TTPAL: variants seen among roughly 807,000 people sequenced by gnomAD.
The protein encoded by TTPAL is alpha tocopherol transfer protein like.
TTPAL carries 21 observed loss-of-function variants against 28.7 expected under a neutral mutation model. That is an observed-to-expected ratio of 0.73 (90% confidence interval 0.52 to 1.06). The LOEUF is 1.06. Ranked by LOEUF, TTPAL falls within the 50% of genes least tolerant of loss-of-function variation. TTPAL has a pLI of 0.00. For synonymous variants in TTPAL, 169 were observed against 171.9 expected (o/e 0.98, Z 0.13); for missense variants, 345 against 425.5 (o/e 0.81, Z 1.67).
At position 44,480,800 on chromosome 20, in the gene TTPAL, T is replaced by C. The variant is rs2064097317; in HGVS notation, c.445+356T>C. On this transcript the variant is annotated intron_variant, in intron 2 of 4. Coordinates refer to ENST00000262605, the MANE Select transcript of TTPAL (RefSeq NM_001039199.3). This position sits in a 1 kb window ranked among gnomAD's most constrained non-coding sequence, Gnocchi z 4.1. ...CATTTCTGCCTTTTGCATATCTTCT[T>C]CACACTTTTTCTGTGTATGGCTGTC... Among the ~76,000 whole-genome samples the C allele has an allele frequency of 6.6e-6, 1 of 152,208 alleles. No homozygotes were observed. Among genetic ancestry groups the C allele is most frequent in the South Asian group, 2.1e-4 (1 of 4,826 alleles).
rs1318511918 is a variant in TTPAL at position 44,486,611 on chromosome 20, C to T, written c.655C>T (p.Arg219Trp). The T allele has an allele frequency of 4.3e-6, 7 of 1,609,744 alleles. No individual in the cohort carries two copies. The highest frequency in any genetic ancestry group is 4.5e-5 in the East Asian group (2 of 44,856). The change falls in exon 4 of 5, where the codon CGG (arginine) becomes TGG (tryptophan). Residue 219 changes from arginine (R) to tryptophan (W), a missense_variant. By Grantham distance (101) the Arg-to-Trp change is moderately radical. Coordinates refer to ENST00000262605, the MANE Select transcript of TTPAL (RefSeq NM_001039199.3). ...IGILQDGFPI[R>W]IKAVHVVNEP... is the part of the protein sequence containing the mutation. Reference sequence around the variant, plus strand: ...TCCCACACAGGATGGTTTCCCCATTCGGATAAAAGCAGTCCATGTGGTGAA... The same window carrying T: ...TCCCACACAGGATGGTTTCCCCATTTGGATAAAAGCAGTCCATGTGGTGAA...
Position 44,480,021 on chromosome 20 carries a change from C to T in TTPAL, c.22C>T (p.Leu8=). MSEESDS[L]RTSPSVASLS... Reference sequence around the variant, plus strand: ...GCTAATGTCCGAAGAAAGTGACTCTCTGAGAACCAGCCCTTCTGTGGCCTC... The same window carrying T: ...GCTAATGTCCGAAGAAAGTGACTCTTTGAGAACCAGCCCTTCTGTGGCCTC... Residue 8 remains leucine, a synonymous_variant, in exon 2 of 5, where the codon CTG becomes TTG. Transcript: ENST00000262605. The surrounding 1 kb of genome is among the most constrained non-coding windows in gnomAD (Gnocchi z 4.1). 1 of 1,613,606 alleles carries T rather than the reference C, an allele frequency of 6.2e-7. No individual in the cohort carries two copies. The highest frequency in any genetic ancestry group is 8.5e-7 in the Non-Finnish European group (1 of 1,179,572).
In TTPAL at chr20:44,491,633, G is replaced by C. The variant is rs1235258254; in HGVS notation, c.*2092G>C. On this transcript the variant is annotated 3_prime_UTR_variant, in exon 5 of 5. Transcript: ENST00000262605. ...ATCCTCTACGGTACTGGCTGAGCTG[G>C]AAGTGCCAAAAAGCACTCCTGGCTG... is the stretch of plus-strand genomic sequence containing the variant. 6.6e-6 allele frequency: 1 copy of C among 152,248 alleles called. No homozygotes were observed. The highest frequency in any genetic ancestry group is 2.4e-5 in the African/African-American group (1 of 41,380). The allele number at this position is 152,248 out of a possible 1,614,324, so 9.4% of individuals were successfully genotyped here. A position where few individuals can be genotyped will look rare whatever the true frequency, so the allele number is the denominator to read the frequency against.
chr20:44,488,029 A>C (rs1158912035), intron 4 of TTPAL, among the ~76,000 whole-genome samples: 1 of 152,304 alleles, frequency 6.6e-6, no homozygotes, highest in South Asian at 2.1e-4. Flanking sequence ...TTGGCCTCCG[A>C]AAGTGCTGGG....
chr20:44,485,592 ATTAT>A (rs772125348), intron 3 of TTPAL, among the ~76,000 whole-genome samples: 72 of 152,254 alleles, frequency 4.7e-4, no homozygotes, highest in Non-Finnish European at 9.6e-4. Flanking sequence ...CACCAGGTTT[ATTAT>A]TTAAATAAAT....
intron 3 of TTPAL, chr20:44,485,682 C>G (rs1346424371): frequency 6.6e-6 from 1 of 152,210 alleles, no homozygotes; most frequent in Non-Finnish European, 1.5e-5. Context: ...GCTGGCACTC[C>G]TTTTGATGCC....
chr20:44,481,400 T>G (rs1600786318), intron 2 of TTPAL, among the ~76,000 whole-genome samples: 1 of 151,982 alleles, frequency 6.6e-6, no homozygotes, highest in African/African-American at 2.4e-5. Flanking sequence ...TAAAAAAAAA[T>G]GCTCTTTGGG....
chr20:44,477,236 G>C lies in TTPAL; in HGVS notation c.-16+1245G>C, dbSNP rs982927622. On this transcript the variant is annotated intron_variant, in intron 1 of 4. Transcript: ENST00000262605. Reference sequence around the variant, plus strand: ...AACACTGATGTTTGATGGGATTGCAGGCATCTCTTGGTTACTTCCATAGAA... The same window carrying C: ...AACACTGATGTTTGATGGGATTGCACGCATCTCTTGGTTACTTCCATAGAA... Among the ~76,000 whole-genome samples the C allele has an allele frequency of 2.0e-5, 3 of 152,300 alleles. No individual in the cohort carries two copies. The East Asian group carries it at 5.8e-4, about 29-fold the overall frequency.
rs1568771114 is a variant in TTPAL, at chr20:44,484,516, ATTGGCATCCTCCAGGTAAGACCCG to A, written c.627_639+11del. On this transcript the variant is annotated splice_donor_variant and splice_donor_5th_base_variant and coding_sequence_variant and intron_variant, in exon 3 of 5. Coordinates refer to ENST00000262605, the MANE Select transcript of TTPAL (RefSeq NM_001039199.3). LOFTEE classifies it high-confidence loss of function. ...TGGCCCTTTTATAGCCAAAAAGGTG[ATTGGCATCCTCCAGGTAAGACCCG>A]TATGTGTCCTGCCTGTTTCGTGGTG... 1 of 1,576,314 alleles carries A rather than the reference ATTGGCATCCTCCAGGTAAGACCCG, an allele frequency of 6.3e-7. No homozygotes were observed. The highest frequency in any genetic ancestry group is 8.7e-7 in the Non-Finnish European group (1 of 1,149,792).
At chr20:44,487,270 A>T (rs1167426405) in intron 4 of TTPAL, among the ~76,000 whole-genome samples, 1 of 145,020 alleles carries the variant, frequency 6.9e-6, no homozygotes, top group Non-Finnish European at 1.5e-5. Context: ...CAACAGTGAG[A>T]CTGTCTCAAA....
intron 1 of TTPAL, among the ~76,000 whole-genome samples, chr20:44,477,577 A>C (rs1320590297): frequency 6.6e-6 from 1 of 152,178 alleles, no homozygotes; most frequent in Non-Finnish European, 1.5e-5. Context: ...TCACTCCCTT[A>C]GAGTCCATTC....
Position 44,492,615 on chromosome 20 carries a change from T to TA in TTPAL, c.*3075dup, listed in dbSNP as rs1409667783. 6.6e-6 allele frequency: 1 copy of TA among 152,294 alleles called. No homozygotes were observed. Among genetic ancestry groups the TA allele is most frequent in the African/African-American group, 2.4e-5 (1 of 41,434 alleles). The allele number at this position is 152,294 out of a possible 1,614,324, so 9.4% of individuals were successfully genotyped here. On this transcript the variant is annotated 3_prime_UTR_variant, in exon 5 of 5. Coordinates refer to ENST00000262605, the MANE Select transcript of TTPAL (RefSeq NM_001039199.3). ...TTTTTTCCCCCTCAATTGGCTTATT[T>TA]AGTAAATTTAGGTCTGAATGAATTG... is the stretch of plus-strand genomic sequence containing the variant.
At position 44,475,944 on chromosome 20, in the gene TTPAL, C is replaced by T. The variant is rs1307987833; in HGVS notation, c.-63C>T. 4 of 152,384 alleles carry T rather than the reference C, an allele frequency of 2.6e-5. No individual in the cohort carries two copies. The East Asian group carries it at 7.7e-4, about 29-fold the overall frequency. 9.4% of individuals were successfully genotyped at this position (152,384 alleles called of 1,614,324 possible). On this transcript the variant is annotated 5_prime_UTR_variant, in exon 1 of 5. The change creates a new upstream start codon in the 5' untranslated region. Transcript: ENST00000262605. ...GGTCGGTTCTGCGTGCGCTGCCGGA[C>T]GAGGCTCCCGCCGCCGATTGACCCG...
chr20:44,480,765 T>C lies in TTPAL; in HGVS notation c.445+321T>C, dbSNP rs6031620. ...TCTCTGCCTGACGGTCTGTGTATCC[T>C]TCAGCCACACATTTCTGCCTTTTGC... is the stretch of plus-strand genomic sequence containing the variant. On this transcript the variant is annotated intron_variant, in intron 2 of 4. Transcript: ENST00000262605. The surrounding 1 kb of genome is among the most constrained non-coding windows in gnomAD (Gnocchi z 4.1). Among the ~76,000 whole-genome samples the C allele has an allele frequency of 4.1e-4, 62 of 152,328 alleles. No individual in the cohort carries two copies. The highest frequency in any genetic ancestry group is 1.4e-3 in the African/African-American group (58 of 41,568).
rs1324848617 is a variant in TTPAL at position 44,480,043 on chromosome 20, C to T, written c.44C>T (p.Ala15Val). 6.2e-7 allele frequency: 1 copy of T among 1,614,148 alleles called. No individual in the cohort carries two copies. Among genetic ancestry groups the T allele is most frequent in the Non-Finnish European group, 8.5e-7 (1 of 1,179,988 alleles). The change falls in exon 2 of 5, where the codon GCC (alanine) becomes GTC (valine). Residue 15 changes from alanine (A) to valine (V), a missense_variant. Coordinates refer to ENST00000262605, the MANE Select transcript of TTPAL (RefSeq NM_001039199.3). The surrounding 1 kb of genome is among the most constrained non-coding windows in gnomAD (Gnocchi z 4.1). Reference sequence around the variant, plus strand: ...TCTCTGAGAACCAGCCCTTCTGTGGCCTCACTCTCTGAAAATGAGCTGCCA... The same window carrying T: ...TCTCTGAGAACCAGCCCTTCTGTGGTCTCACTCTCTGAAAATGAGCTGCCA... ...SDSLRTSPSV[A>V]SLSENELPPP...
At position 44,490,596 on chromosome 20, in the gene TTPAL, A is replaced by G. The variant is rs17829151; in HGVS notation, c.*1055A>G. 11,283 of 152,332 alleles carry G rather than the reference A, an allele frequency of 0.074. 454 individuals are homozygous for G. The highest frequency in any genetic ancestry group is 0.15 in the South Asian group (706 of 4,834). 9.4% of individuals were successfully genotyped at this position (152,332 alleles called of 1,614,324 possible). A position where few individuals can be genotyped will look rare whatever the true frequency, so the allele number is the denominator to read the frequency against. ...TAGCCCTGCCTTTAAAGAAACTATTATGTGTATTCCTGGGACTCACTGACA... is the reference window on the plus strand; with the variant it reads ...TAGCCCTGCCTTTAAAGAAACTATTGTGTGTATTCCTGGGACTCACTGACA... On this transcript the variant is annotated 3_prime_UTR_variant, in exon 5 of 5. Coordinates refer to ENST00000262605, the MANE Select transcript of TTPAL (RefSeq NM_001039199.3).
At position 44,480,570 on chromosome 20, in the gene TTPAL, T is replaced by C. The variant is rs1322209004; in HGVS notation, c.445+126T>C. The stretch of plus-strand genomic sequence containing the variant: ...TTTGTTATAGTCAAGGCTCTTTTGA[T>C]TGCAGATAACACAAACCTACTCAAA... On this transcript the variant is annotated intron_variant, in intron 2 of 4. Coordinates refer to ENST00000262605, the MANE Select transcript of TTPAL (RefSeq NM_001039199.3). The surrounding 1 kb of genome is among the most constrained non-coding windows in gnomAD (Gnocchi z 4.1). 13 of 991,588 alleles carry C rather than the reference T, an allele frequency of 1.3e-5. No individual in the cohort carries two copies. Among genetic ancestry groups the C allele is most frequent in the Non-Finnish European group, 8.8e-6 (6 of 682,750 alleles). The allele number at this position is 991,588 out of a possible 1,614,324, so 61.4% of individuals were successfully genotyped here. A position where few individuals can be genotyped will look rare whatever the true frequency, so the allele number is the denominator to read the frequency against.
At chr20:44,476,997 C>T (rs1033138465) in intron 1 of TTPAL, among the ~76,000 whole-genome samples, 2 of 152,190 alleles carry the variant, frequency 1.3e-5, no homozygotes, top group African/African-American at 2.4e-5. Context: ...GGGAAGGATT[C>T]ACTGAGGTGG....
At chr20:44,488,701 G>T (rs987651599) in intron 4 of TTPAL, among the ~76,000 whole-genome samples, 2 of 152,190 alleles carry the variant, frequency 1.3e-5, no homozygotes, top group African/African-American at 4.8e-5. Context: ...TATCTGGGAG[G>T]CCAGCAAGGA....
Sources: allele counts gnomAD v4.1 joint callset (sites outside exome capture counted in the v4.1 genomes callset), GRCh38; gene constraint gnomAD v4.1.1; non-coding constraint Gnocchi (gnomAD v3.1); transcripts MANE v1.5; gene names NCBI Gene and HGNC (gene_info 2026-07-23, HGNC 2026-07-21).